Variants in HTT observed in about 807,000 individuals in gnomAD.
The protein encoded by HTT is huntingtin, also known as huntington disease protein.
HTT carries 104 observed loss-of-function variants against 362.3 expected under a neutral mutation model. The observed-to-expected ratio is 0.29, with a 90% CI of 0.24 to 0.34. The LOEUF (loss-of-function observed/expected upper bound fraction) is 0.34. HTT is among the 10% of genes least tolerant of loss of function. The pLI is 1.00. For synonymous variants in HTT, 1,577 were observed against 1,548.7 expected, an observed-to-expected ratio of 1.02 and a Z score of -0.43; for missense variants, 3,301 against 3,928.6, an observed-to-expected ratio of 0.84 and a Z score of 4.27.
intron 40 of HTT, 76 bp from the exon 41 acceptor site, chr4:3,199,656 T>G: frequency 7.6e-7 from 1 of 1,310,188 alleles, no homozygotes; most frequent in East Asian, 2.3e-5. Flanking sequence ...TTCATTTTTA[T>G]GTAAAATCTT....
chr4:3,116,556 A>G (rs1715038229), intron 8 of HTT, among the ~76,000 whole-genome samples: 1 of 152,194 alleles, frequency 6.6e-6, no homozygotes, highest in African/African-American at 2.4e-5. Flanking sequence ...TCATCCACCC[A>G]GTAAATACTG....
chr4:3,164,790 C>T (rs868518708), intron 29 of HTT, among the ~76,000 whole-genome samples: 1 of 152,114 alleles, frequency 6.6e-6, no homozygotes, highest in African/African-American at 2.4e-5. Context: ...CTTCCTCCAT[C>T]CCTTTATTTT....
At chr4:3,084,419 T>C (rs1243526417) in intron 1 of HTT, among the ~76,000 whole-genome samples, 1 of 152,102 alleles carries the variant, frequency 6.6e-6, no homozygotes, top group Non-Finnish European at 1.5e-5. Flanking sequence ...TCGGACGTGG[T>C]GGCTCATGCC....
rs1560604724 is a variant in HTT, at chr4:3,230,033, C to T, written c.8256C>T (p.Val2752=). Residue 2752 remains valine (V), a synonymous_variant, in exon 60 of 67, where the codon GTC becomes GTT. Transcript: ENST00000355072. ...CTGCCACCTGCAAGGCAGCTGCCGT[C>T]CTTGGGATGGTAAGTGACAGGTGGC... ...LVPATCKAAA[V]LGMDKAVAEP... 3.7e-6 allele frequency: 6 copies of T among 1,613,956 alleles called. No homozygotes were observed. The highest frequency in any genetic ancestry group is 1.1e-5 in the South Asian group (1 of 91,064).
At chr4:3,115,583 G>T in intron 7 of HTT, 138 bp downstream of exon 7, 1 of 694,956 alleles carries the variant, frequency 1.4e-6, no homozygotes. Context: ...ACTGCACTGG[G>T]GCTGCTGTGA....
At chr4:3,079,215 CG>C (rs1214159267) in intron 1 of HTT, among the ~76,000 whole-genome samples, 3 of 148,846 alleles carry the variant, frequency 2.0e-5, no homozygotes, top group Non-Finnish European at 4.4e-5. Flanking sequence ...ATTTTAAATA[CG>C]GTGTTCAGGG....
At chr4:3,198,067 C>T (rs577962110) in intron 40 of HTT, among the ~76,000 whole-genome samples, 10 of 152,262 alleles carry the variant, frequency 6.6e-5, no homozygotes, top group South Asian at 4.1e-4. Context: ...AACTCCTCGT[C>T]GTGACCTGGT....
chr4:3,235,786 T>C lies in HTT; in HGVS notation c.8785+8T>C. 1.3e-6 allele frequency: 2 copies of C among 1,598,702 alleles called. No individual in the cohort carries two copies. The highest frequency in any genetic ancestry group is 1.7e-6 in the Non-Finnish European group (2 of 1,175,168). ...TCACCTGCATGTACACAGGTGAGCA[T>C]GTACACGGTGCCCATAAGGCCAGCC... On this transcript the variant is annotated splice_region_variant and intron_variant, in intron 63 of 66. Transcript: ENST00000355072.
chr4:3,160,537 C>T lies in HTT; in HGVS notation c.3864+145C>T, dbSNP rs576457290. 210 of 644,648 alleles carry T rather than the reference C, an allele frequency of 3.3e-4. No individual in the cohort carries two copies. In the African/African-American group the frequency reaches 3.5e-3, roughly 11 times the overall value. The allele number at this position is 644,648 out of a possible 1,614,324, so 39.9% of individuals were successfully genotyped here. A position where few individuals can be genotyped will look rare whatever the true frequency, so the allele number is the denominator to read the frequency against. On this transcript the variant is annotated intron_variant, in intron 29 of 66. Transcript: ENST00000355072. ...GCCCCACGTGCTTGCGTCACAGGAC[C>T]CAAGTCTGACTCTGCCTTAGCCATG...
At chr4:3,165,079 T>C (rs1717633157) in intron 29 of HTT, among the ~76,000 whole-genome samples, 1 of 152,252 alleles carries the variant, frequency 6.6e-6, no homozygotes, top group African/African-American at 2.4e-5. Flanking sequence ...CTTTCCATGT[T>C]TAGTGCTTCC....
chr4:3,218,935 G>C lies in HTT; in HGVS notation c.7242+983G>C, dbSNP rs952714708. 7.2e-5 allele frequency among the ~76,000 whole-genome samples: 11 copies of C among 151,928 alleles called. No homozygotes were observed. Among genetic ancestry groups the C allele is most frequent in the African/African-American group, 2.7e-4 (11 of 41,394 alleles). ...GCCTGAGAAGGGTGCGTGCCTGCCT[G>C]TGTGTGTGTGTGCACGTGTGTGTAT... On this transcript the variant is annotated intron_variant, in intron 52 of 66. Transcript: ENST00000355072. This position sits in a 1 kb window ranked among gnomAD's most constrained non-coding sequence, Gnocchi z 4.4.
intron 29 of HTT, among the ~76,000 whole-genome samples, chr4:3,162,424 A>C (rs995732544): frequency 6.6e-6 from 1 of 152,150 alleles, no homozygotes; most frequent in Non-Finnish European, 1.5e-5. Context: ...TTGGTTCCAT[A>C]TGAAGTTTAA....
chr4:3,162,466 A>G (rs966289334), intron 29 of HTT, among the ~76,000 whole-genome samples: 4 of 152,228 alleles, frequency 2.6e-5, no homozygotes, highest in African/African-American at 7.2e-5. Context: ...GAAGAAAGTC[A>G]GTGATAGCTT....
chr4:3,160,115 T>A (rs1162936185), intron 28 of HTT, among the ~76,000 whole-genome samples, 167 bp from the exon 29 acceptor site: 1 of 152,226 alleles, frequency 6.6e-6, no homozygotes, highest in Non-Finnish European at 1.5e-5. Flanking sequence ...TTCCAAAATA[T>A]TTTTCCAGTG....
At chr4:3,092,653 A>T (rs542964868) in intron 2 of HTT, among the ~76,000 whole-genome samples, 2 of 152,352 alleles carry the variant, frequency 1.3e-5, no homozygotes, top group South Asian at 4.1e-4. Flanking sequence ...AAGCGCTGAG[A>T]TTACAGGCAT....
At chr4:3,210,904 C>CTTTTTTTTTTTTTTTTTTTT (rs780304223) in intron 47 of HTT, among the ~76,000 whole-genome samples, 1 of 122,732 alleles carries the variant, frequency 8.1e-6, no homozygotes, top group Non-Finnish European at 1.6e-5. Flanking sequence ...AATTGTTTAT[C>CTTTTTTTTTTTTTTTTTTTT]TTTTTTTTTT....
rs1721336985 is a variant in HTT at position 3,233,050 on chromosome 4, T to G, written c.8266-113T>G. ...TCAGGATGGTCTCCGGCCTGCTGTGTAGTCTCTTCTGCACACAAGCGTGAG... is the reference window on the plus strand; with the variant it reads ...TCAGGATGGTCTCCGGCCTGCTGTGGAGTCTCTTCTGCACACAAGCGTGAG... On this transcript the variant is annotated intron_variant, in intron 60 of 66. Transcript: ENST00000355072. 6.0e-6 allele frequency: 5 copies of G among 831,218 alleles called. No homozygotes were observed. The South Asian group carries it at 8.7e-5, about 14-fold the overall frequency. 51.5% of individuals were successfully genotyped at this position (831,218 alleles called of 1,614,324 possible). A position where few individuals can be genotyped will look rare whatever the true frequency, so the allele number is the denominator to read the frequency against.
At position 3,174,812 on chromosome 4, in the gene HTT, G is replaced by A. The variant is rs746979226; in HGVS notation, c.4245+13G>A. ...CCGTGCAGATAAGGTAAATGGTGCC[G>A]TTTGTGGCATGTGAACTCAGGCGTG... is the stretch of plus-strand genomic sequence containing the variant. On this transcript the variant is annotated intron_variant, in intron 32 of 66. Transcript: ENST00000355072. 8.1e-6 allele frequency: 13 copies of A among 1,612,368 alleles called. No homozygotes were observed. The highest frequency in any genetic ancestry group is 4.5e-5 in the East Asian group (2 of 44,888).
intron 27 of HTT, among the ~76,000 whole-genome samples, chr4:3,156,785 G>C (rs556614932): frequency 1.3e-5 from 2 of 152,198 alleles, no homozygotes; most frequent in Admixed American, 6.5e-5. Context: ...CCTTGAATCA[G>C]CTGCTCCTAT....
Sources: allele counts gnomAD v4.1 joint callset (sites outside exome capture counted in the v4.1 genomes callset), GRCh38; gene constraint gnomAD v4.1.1; non-coding constraint Gnocchi (gnomAD v3.1); transcripts MANE v1.5; gene names NCBI Gene and HGNC (gene_info 2026-07-23, HGNC 2026-07-21).